The following CFAP263 variants were observed in gnomAD, a reference collection of about 807,000 sequenced individuals.
CFAP263 encodes cilia- and flagella-associated protein 263.
the CFAP263 span, chr16:58,278,472 C>G: frequency 5.8e-5 from 93 of 1,613,378 alleles, no homozygotes; most frequent in Non-Finnish European, 7.5e-5. Context: ...ACTGGTCCTT[C>G]CCAACCCAGG....
chr16:58,265,034 G>A, the CFAP263 span, among the ~76,000 whole-genome samples: 1 of 152,164 alleles, frequency 6.6e-6, no homozygotes, highest in Admixed American at 6.5e-5. Context: ...ATGCCCTCAA[G>A]CCCTGCCTGC....
chr16:58,271,097 A>G, the CFAP263 span, among the ~76,000 whole-genome samples: 13 of 152,186 alleles, frequency 8.5e-5, no homozygotes, highest in African/African-American at 3.1e-4. Flanking sequence ...CCTATTATAC[A>G]GTTAATTTTA....
chr16:58,258,500 A>G, the CFAP263 span: 1 of 1,614,146 alleles, frequency 6.2e-7, no homozygotes. Context: ...GATGAAATAC[A>G]TTGAGGACAT....
the CFAP263 span, among the ~76,000 whole-genome samples, chr16:58,272,338 C>T: frequency 6.6e-6 from 1 of 152,064 alleles, no homozygotes; most frequent in African/African-American, 2.4e-5. Context: ...TGTATGTTGG[C>T]TTATAATATC....
At chr16:58,267,751 T>C in the CFAP263 span, among the ~76,000 whole-genome samples, 1 of 152,072 alleles carries the variant, frequency 6.6e-6, no homozygotes, top group Non-Finnish European at 1.5e-5. Context: ...AAGTGGCACC[T>C]GGAGACCTAC....
chr16:58,269,493 A>G, the CFAP263 span, among the ~76,000 whole-genome samples: 2 of 151,910 alleles, frequency 1.3e-5, no homozygotes, highest in Non-Finnish European at 2.9e-5. Flanking sequence ...CCCACACTCC[A>G]CTCCCACCCT....
At chr16:58,264,779 T>A in the CFAP263 span, among the ~76,000 whole-genome samples, 2 of 152,150 alleles carry the variant, frequency 1.3e-5, no homozygotes, top group African/African-American at 2.4e-5. Flanking sequence ...GAAACATTCA[T>A]TCTCCCAGCA....
chr16:58,254,841 A>G, the CFAP263 span, among the ~76,000 whole-genome samples: 1 of 151,998 alleles, frequency 6.6e-6, no homozygotes. Flanking sequence ...TCCTGACCTC[A>G]TGATCCGCCT....
At chr16:58,275,886 A>G in the CFAP263 span, among the ~76,000 whole-genome samples, 4 of 152,220 alleles carry the variant, frequency 2.6e-5, no homozygotes, top group Admixed American at 2.6e-4. Flanking sequence ...ATCCTAAAAT[A>G]AATACTGGGA....
chr16:58,262,612 C>T, the CFAP263 span: 1 of 1,420,626 alleles, frequency 7.0e-7, no homozygotes. Context: ...CAGGGAGGTT[C>T]TTGTGCATTC....
chr16:58,250,468 A>G, the CFAP263 span: 26 of 183,792 alleles, frequency 1.4e-4, no homozygotes, highest in Non-Finnish European at 2.8e-4. Context: ...TTCTGATGCT[A>G]AGATTCTATG....
At chr16:58,252,846 A>G in the CFAP263 span, 1 of 1,613,834 alleles carries the variant, frequency 6.2e-7, no homozygotes, top group African/African-American at 1.3e-5. Flanking sequence ...GCAGCAGATT[A>G]TGCACAGGTA....
At chr16:58,274,368 C>T in the CFAP263 span, among the ~76,000 whole-genome samples, 1 of 152,254 alleles carries the variant, frequency 6.6e-6, no homozygotes, top group African/African-American at 2.4e-5. Context: ...AGCTCCCCAT[C>T]TCTGTTCCAA....
chr16:58,264,283 G>A, the CFAP263 span, among the ~76,000 whole-genome samples: 286 of 152,316 alleles, frequency 1.9e-3, 2 homozygotes, highest in Non-Finnish European at 3.0e-3. Context: ...AATCAGTTAA[G>A]CAGCACAGGG....
the CFAP263 span, among the ~76,000 whole-genome samples, chr16:58,256,203 C>T: frequency 6.6e-6 from 1 of 152,202 alleles, no homozygotes; most frequent in Admixed American, 6.5e-5. Flanking sequence ...CCTGCTCTCC[C>T]ACCCCTCCTC....
At chr16:58,254,182 C>T in the CFAP263 span, 1 of 1,613,198 alleles carries the variant, frequency 6.2e-7, no homozygotes, top group African/African-American at 1.3e-5. Flanking sequence ...GCCAGCGCAG[C>T]CTGTCCTGCC....
At chr16:58,257,014 CTTT>C in the CFAP263 span, among the ~76,000 whole-genome samples, 2 of 41,928 alleles carry the variant, frequency 4.8e-5, no homozygotes, top group East Asian at 1.7e-3. Flanking sequence ...ATATGAATTT[CTTT>C]TTTTTTTTTT....
the CFAP263 span, among the ~76,000 whole-genome samples, chr16:58,266,702 A>T: frequency 6.6e-6 from 1 of 152,002 alleles, no homozygotes. Context: ...AGCAAAGCAC[A>T]TCCCAGCTCC....
the CFAP263 span, chr16:58,250,381 C>G: frequency 2.5e-6 from 1 of 394,528 alleles, no homozygotes; most frequent in Non-Finnish European, 4.6e-6. Context: ...GGAGGAGTCT[C>G]TCTCATGCCA....
Sources: gnomAD v4.1 joint callset for allele counts (sites outside exome capture counted in the v4.1 genomes callset) on GRCh38, gnomAD v4.1.1 for gene constraint, MANE v1.5 for transcripts, NCBI Gene and HGNC (gene_info 2026-07-23, HGNC 2026-07-21) for gene names.